Variants in IGSF5 observed in about 807,000 individuals in gnomAD.
IGSF5 encodes the protein immunoglobulin superfamily member 5.
A neutral mutation model predicts 39.4 loss-of-function variants in IGSF5; 41 were observed. The observed-to-expected ratio is 1.04, with a 90% confidence interval of 0.81 to 1.35. The LOEUF is 1.35. Ranked by LOEUF, IGSF5 falls within the 40% of genes most tolerant of loss-of-function variation. The pLI, the probability that IGSF5 is intolerant of heterozygous loss-of-function variation, is 0.00. For synonymous variants in IGSF5, 183 were observed against 175.3 expected (o/e 1.04, Z -0.34); for missense variants, 487 against 494.6 (o/e 0.98, Z 0.15).
chr21:39,752,126 A>G (rs1327713218), intron 2 of IGSF5, among the ~76,000 whole-genome samples: 2 of 152,162 alleles, frequency 1.3e-5, no homozygotes, highest in Admixed American at 1.3e-4. Flanking sequence ...TCACCCGAGC[A>G]GTGTACACTG....
At chr21:39,781,527 A>G (rs755737259) in intron 5 of IGSF5, among the ~76,000 whole-genome samples, 3 of 152,182 alleles carry the variant, frequency 2.0e-5, no homozygotes, top group Non-Finnish European at 4.4e-5. Context: ...CTACGTGTGT[A>G]TGTAGTTTTG....
chr21:39,764,582 C>T (rs368576422), intron 2 of IGSF5, among the ~76,000 whole-genome samples: 15 of 152,150 alleles, frequency 9.9e-5, no homozygotes, highest in East Asian at 3.9e-4. Context: ...TCAGGTGATC[C>T]GCCCTCTTCG....
At chr21:39,741,196 G>T (rs1217442244), upstream of IGSF5, among the ~76,000 whole-genome samples, 1 of 152,262 alleles carries the variant, frequency 6.6e-6, no homozygotes, top group South Asian at 2.1e-4. Flanking sequence ...TTTAGGGCAT[G>T]GAAAGCTGCT....
At chr21:39,726,855 A>G in the IGSF5 span, among the ~76,000 whole-genome samples, 1 of 151,928 alleles carries the variant, frequency 6.6e-6, no homozygotes, top group African/African-American at 2.4e-5. Flanking sequence ...TTTATCATCA[A>G]AGAGGTGTGC....
At chr21:39,761,330 T>C (rs532293884) in intron 2 of IGSF5, among the ~76,000 whole-genome samples, 14 of 152,314 alleles carry the variant, frequency 9.2e-5, no homozygotes, top group African/African-American at 3.4e-4. Flanking sequence ...TTATCCTTCT[T>C]GACATTGGCT....
At chr21:39,733,910 T>A in the IGSF5 span, among the ~76,000 whole-genome samples, 1 of 152,142 alleles carries the variant, frequency 6.6e-6, no homozygotes, top group Non-Finnish European at 1.5e-5. Flanking sequence ...TTCTCTCTTC[T>A]TATAAGGATA....
the IGSF5 span, among the ~76,000 whole-genome samples, chr21:39,728,857 C>G: frequency 6.6e-6 from 1 of 152,116 alleles, no homozygotes; most frequent in Non-Finnish European, 1.5e-5. Flanking sequence ...CAAGTCTAAT[C>G]TAGTATCATC....
At chr21:39,797,887 T>G (rs2087006404) in intron 8 of IGSF5, among the ~76,000 whole-genome samples, 1 of 152,210 alleles carries the variant, frequency 6.6e-6, no homozygotes, top group Admixed American at 6.5e-5. Flanking sequence ...TATAGATGAA[T>G]ATACAACCTA....
chr21:39,744,869 G>T (rs527344573), upstream of IGSF5, among the ~76,000 whole-genome samples: 21 of 152,342 alleles, frequency 1.4e-4, no homozygotes, highest in African/African-American at 4.6e-4. Context: ...GCTCATCCGT[G>T]GGTTACTGGG....
intron 2 of IGSF5, among the ~76,000 whole-genome samples, chr21:39,748,380 G>A (rs1008674220): frequency 7.1e-5 from 9 of 126,684 alleles, no homozygotes; most frequent in Admixed American, 4.4e-4. Flanking sequence ...GCGCAATCTC[G>A]GCTCACTGCA....
At chr21:39,721,673 C>CCCTTCCTTCCTTCCTT in the IGSF5 span, among the ~76,000 whole-genome samples, 164 of 140,944 alleles carry the variant, frequency 1.2e-3, 2 homozygotes, top group East Asian at 2.8e-3. Context: ...GGCCATCTGT[C>CCCTTCCTTCCTTCCTT]CCTTCCTTCC....
the IGSF5 span, among the ~76,000 whole-genome samples, chr21:39,719,855 G>A: frequency 3.3e-5 from 5 of 152,208 alleles, no homozygotes; most frequent in African/African-American, 7.2e-5. Flanking sequence ...CTGATAGGGA[G>A]TCATTTCCAC....
At chr21:39,773,684 T>C (rs73217283) in intron 4 of IGSF5, among the ~76,000 whole-genome samples, 19,063 of 152,138 alleles carry the variant, frequency 0.13, 1,504 homozygotes, top group African/African-American at 0.22. Context: ...ACTTTGCACT[T>C]CCCTGTCTCC....
At chr21:39,722,158 A>T in the IGSF5 span, among the ~76,000 whole-genome samples, 1 of 152,166 alleles carries the variant, frequency 6.6e-6, no homozygotes, top group African/African-American at 2.4e-5. Context: ...GAAAGCACTG[A>T]CTGAGTGGAA....
At chr21:39,734,032 G>C in the IGSF5 span, among the ~76,000 whole-genome samples, 145 of 152,196 alleles carry the variant, frequency 9.5e-4, no homozygotes, top group Middle Eastern at 3.4e-3. Context: ...TGAGGTTCTG[G>C]GTAGACAAGA....
intron 4 of IGSF5, among the ~76,000 whole-genome samples, chr21:39,772,297 C>T (rs2080119188): frequency 2.0e-5 from 3 of 152,134 alleles, no homozygotes; most frequent in African/African-American, 7.2e-5. Context: ...CTGTACTCAC[C>T]TGTAGAGTGA....
intron 5 of IGSF5, among the ~76,000 whole-genome samples, chr21:39,782,067 C>T (rs1423618063): frequency 6.6e-6 from 1 of 152,060 alleles, no homozygotes. Flanking sequence ...GCAGTTGTCC[C>T]GGCAGCATTG....
the IGSF5 span, among the ~76,000 whole-genome samples, chr21:39,723,283 G>A: frequency 1.3e-5 from 2 of 152,160 alleles, no homozygotes; most frequent in Non-Finnish European, 2.9e-5. Context: ...GTTTCTAGCT[G>A]GCTGTTCAGG....
chr21:39,724,909 C>A, the IGSF5 span, among the ~76,000 whole-genome samples: 1 of 152,190 alleles, frequency 6.6e-6, no homozygotes, highest in African/African-American at 2.4e-5. Flanking sequence ...ATGCATTAAT[C>A]TGTTATTTGA....
Sources: allele counts gnomAD v4.1 joint callset (sites outside exome capture counted in the v4.1 genomes callset), GRCh38; gene constraint gnomAD v4.1.1; transcripts MANE v1.5; gene names NCBI Gene and HGNC (gene_info 2026-07-23, HGNC 2026-07-21).